The following ITSN1 variants were observed in gnomAD, a reference collection of about 807,000 sequenced individuals.
ITSN1 encodes intersectin-1.
Under a neutral mutation model 239.8 loss-of-function variants are expected in ITSN1, and 58 were observed. The observed-to-expected ratio is 0.24, with a 90% CI of 0.20 to 0.30. ITSN1 has a LOEUF of 0.30. Ranked by LOEUF, ITSN1 falls within the 10% of genes least tolerant of loss-of-function variation. ITSN1 has a pLI of 1.00. For missense variants in ITSN1, 1,558 were observed against 2,103.3 expected (o/e 0.74, Z 5.07); for synonymous variants, 780 against 770.8 (o/e 1.01, Z -0.20).
In ITSN1 at chr21:33,781,555, GT is replaced by G; in HGVS notation, c.1684+11del. The stretch of plus-strand genomic sequence containing the variant: ...CAGCAGAACAGTTTGCACAGTAGGT[GT>G]TTTATTTTTAAAGTTGACCTTTTCT... On this transcript the variant is annotated splice_region_variant and intron_variant, in intron 15 of 39. Transcript: ENST00000381318. 1 of 1,442,910 alleles carries G rather than the reference GT, an allele frequency of 6.9e-7. No individual in the cohort carries two copies. Among genetic ancestry groups the G allele is most frequent in the Non-Finnish European group, 9.4e-7 (1 of 1,060,796 alleles). The allele number at this position is 1,442,910 out of a possible 1,614,324, so 89.4% of individuals were successfully genotyped here. A position where few individuals can be genotyped will look rare whatever the true frequency, so the allele number is the denominator to read the frequency against.
intron 1 of ITSN1, among the ~76,000 whole-genome samples, chr21:33,691,777 A>C (rs983623720): frequency 1.3e-5 from 2 of 152,182 alleles, no homozygotes; most frequent in African/African-American, 4.8e-5. Context: ...TGCTGGCAGA[A>C]GGAGAGATCA....
At chr21:33,718,897 C>A (rs2065320669) in intron 2 of ITSN1, 41 bp downstream of exon 2, 1 of 1,546,954 alleles carries the variant, frequency 6.5e-7, no homozygotes, top group South Asian at 1.2e-5. Flanking sequence ...TACTTTGGGA[C>A]CAGATTTTAA....
chr21:33,869,767 C>T (rs930135455), intron 33 of ITSN1, among the ~76,000 whole-genome samples: 17 of 151,424 alleles, frequency 1.1e-4, no homozygotes, highest in African/African-American at 3.6e-4. Context: ...TGGGCACTGG[C>T]GTGCTCATTG....
intron 1 of ITSN1, among the ~76,000 whole-genome samples, chr21:33,714,115 C>G (rs962617422): frequency 1.3e-5 from 2 of 149,266 alleles, no homozygotes; most frequent in Admixed American, 6.8e-5. Flanking sequence ...CAGGCGTGAG[C>G]CACCGCCCCT....
At chr21:33,826,761 T>TA in intron 25 of ITSN1, 57 bp from the exon 26 acceptor site, 4 of 1,525,074 alleles carry the variant, frequency 2.6e-6, no homozygotes, top group Non-Finnish European at 3.6e-6. Flanking sequence ...TAATCGTTTT[T>TA]AAAGTTGCAT....
chr21:33,801,395 T>C (rs1274997816), intron 19 of ITSN1, among the ~76,000 whole-genome samples: 1 of 152,182 alleles, frequency 6.6e-6, no homozygotes, highest in African/African-American at 2.4e-5. Flanking sequence ...CTGTGTCCCC[T>C]TTTTTCCTAA....
intron 4 of ITSN1, among the ~76,000 whole-genome samples, chr21:33,728,418 C>G (rs1432175965): frequency 6.6e-6 from 1 of 151,608 alleles, no homozygotes; most frequent in Non-Finnish European, 1.5e-5. Flanking sequence ...TTTTTAGTAG[C>G]AGGGTTTCAC....
intron 5 of ITSN1, among the ~76,000 whole-genome samples, chr21:33,743,361 G>C (rs1276361038): frequency 6.6e-6 from 1 of 152,214 alleles, no homozygotes; most frequent in African/African-American, 2.4e-5. Flanking sequence ...AGCTACTTTG[G>C]AGGCTGAGGC....
rs377099843 is a variant in ITSN1 at position 33,814,035 on chromosome 21, C to T, written c.2690C>T (p.Thr897Met). The change falls in exon 22 of 40, where the codon ACG (threonine) becomes ATG (methionine). Residue 897 changes from threonine (T) to methionine (M), a missense_variant. Coordinates refer to ENST00000381318, the MANE Select transcript of ITSN1 (RefSeq NM_003024.3). ...LRQRSAFTPA[T>M]ATGSSPSPVL... ...CAGAGGTCCGCCTTTACTCCAGCCA[C>T]GGCCACTGGCTCCTCCCCGTCTCCT... 3.7e-5 allele frequency: 60 copies of T among 1,614,046 alleles called. No individual in the cohort carries two copies. The highest frequency in any genetic ancestry group is 1.3e-4 in the Admixed American group (8 of 60,006).
intron 1 of ITSN1, among the ~76,000 whole-genome samples, chr21:33,676,312 A>G (rs2090589213): frequency 6.6e-6 from 1 of 152,150 alleles, no homozygotes; most frequent in Non-Finnish European, 1.5e-5. Flanking sequence ...ATTTCTGCTC[A>G]TGGTGTCAAA....
At chr21:33,858,005 C>A (rs896304649) in intron 30 of ITSN1, among the ~76,000 whole-genome samples, 3 of 152,154 alleles carry the variant, frequency 2.0e-5, no homozygotes, top group Non-Finnish European at 4.4e-5. Context: ...TCCTTGCAGG[C>A]GGGGGCTTGC....
At chr21:33,860,576 T>G (rs983596177) in intron 31 of ITSN1, among the ~76,000 whole-genome samples, 1 of 152,202 alleles carries the variant, frequency 6.6e-6, no homozygotes, top group African/African-American at 2.4e-5. Flanking sequence ...CAGGCCTGCG[T>G]GCTTCTTCCT....
intron 1 of ITSN1, among the ~76,000 whole-genome samples, chr21:33,671,445 C>A (rs2090272321): frequency 1.3e-5 from 2 of 151,894 alleles, no homozygotes; most frequent in Admixed American, 1.3e-4. Context: ...GGCCACCACG[C>A]CCGACTAATT....
intron 29 of ITSN1, among the ~76,000 whole-genome samples, chr21:33,851,014 G>A (rs1978295195): frequency 6.6e-6 from 1 of 152,200 alleles, no homozygotes; most frequent in East Asian, 1.9e-4. Context: ...TGTCCCCAGA[G>A]ACAAAAGGGA....
intron 1 of ITSN1, among the ~76,000 whole-genome samples, chr21:33,701,266 T>G (rs1389132311): frequency 1.3e-5 from 2 of 152,018 alleles, no homozygotes; most frequent in African/African-American, 4.8e-5. Context: ...GCCCAGCTAG[T>G]TTTTGTGTAT....
Position 33,891,284 on chromosome 21 carries a change from A to T in ITSN1, c.*2984A>T, listed in dbSNP as rs988300838. On this transcript the variant is annotated 3_prime_UTR_variant, in exon 40 of 40. Transcript: ENST00000381318. Reference sequence around the variant, plus strand: ...GAGCCAGACTTCCTTGTTTGTTTGGATAATATGTCCCTGTCCTCTGATAGC... The same window carrying T: ...GAGCCAGACTTCCTTGTTTGTTTGGTTAATATGTCCCTGTCCTCTGATAGC... 1.3e-5 allele frequency: 2 copies of T among 152,202 alleles called. No homozygotes were observed. Among genetic ancestry groups the T allele is most frequent in the Non-Finnish European group, 2.9e-5 (2 of 68,032 alleles). 9.4% of individuals were successfully genotyped at this position (152,202 alleles called of 1,614,324 possible). A position where few individuals can be genotyped will look rare whatever the true frequency, so the allele number is the denominator to read the frequency against.
chr21:33,784,371 C>T (rs1449360189), intron 16 of ITSN1, among the ~76,000 whole-genome samples: 1 of 143,128 alleles, frequency 7.0e-6, no homozygotes, highest in Non-Finnish European at 1.5e-5. Context: ...GGTATGGTGG[C>T]ATGTGCCTGT....
intron 8 of ITSN1, among the ~76,000 whole-genome samples, chr21:33,756,080 C>T (rs760647211): frequency 5.3e-5 from 8 of 151,936 alleles, no homozygotes; most frequent in Admixed American, 2.6e-4. Flanking sequence ...GAGGCTGAGG[C>T]GGGTGGATCA....
intron 29 of ITSN1, among the ~76,000 whole-genome samples, chr21:33,845,767 G>A (rs564913453): frequency 9.2e-5 from 14 of 152,298 alleles, no homozygotes; most frequent in East Asian, 1.9e-4. Context: ...GTCATGACCC[G>A]TCACGAAAGT....
Sources: allele counts gnomAD v4.1 joint callset (sites outside exome capture counted in the v4.1 genomes callset), GRCh38; gene constraint gnomAD v4.1.1; transcripts MANE v1.5; gene names NCBI Gene and HGNC (gene_info 2026-07-23, HGNC 2026-07-21).